The following RASEF variants were observed in gnomAD, a reference collection of about 807,000 sequenced individuals.
RASEF encodes RAS and EF-hand domain containing.
Under a neutral mutation model 90.1 loss-of-function variants are expected in RASEF, and 68 were observed. That is an observed-to-expected ratio of 0.75 (90% CI 0.62 to 0.92). RASEF has a LOEUF of 0.92. Among genes scored for constraint, RASEF ranks in the 40% least tolerant of loss-of-function variants. RASEF has a pLI of 0.00. For missense variants in RASEF, 949 were observed against 937.2 expected (o/e 1.01, Z -0.16); for synonymous variants, 331 against 345.2 (o/e 0.96, Z 0.46).
the RASEF span, among the ~76,000 whole-genome samples, chr9:83,143,565 ATTG>A: frequency 2.0e-5 from 3 of 152,194 alleles, no homozygotes; most frequent in East Asian, 5.8e-4. Flanking sequence ...TGTTAATATT[ATTG>A]TTAAGTAATA....
chr9:83,086,354 A>T, the RASEF span, among the ~76,000 whole-genome samples: 5 of 152,186 alleles, frequency 3.3e-5, no homozygotes, highest in African/African-American at 1.2e-4. Flanking sequence ...GCTGGATTTG[A>T]TAAATGGGCT....
chr9:83,158,017 G>T, the RASEF span, among the ~76,000 whole-genome samples: 1 of 152,062 alleles, frequency 6.6e-6, no homozygotes, highest in Non-Finnish European at 1.5e-5. Flanking sequence ...AATATCATCT[G>T]GAAAGCATGA....
At chr9:83,114,703 T>G in the RASEF span, among the ~76,000 whole-genome samples, 1 of 152,186 alleles carries the variant, frequency 6.6e-6, no homozygotes, top group Non-Finnish European at 1.5e-5. Context: ...CCCGGTCTCC[T>G]GTAGCACTCC....
At chr9:83,043,265 A>G (rs1829872373) in intron 1 of RASEF, among the ~76,000 whole-genome samples, 1 of 152,220 alleles carries the variant, frequency 6.6e-6, no homozygotes, top group Non-Finnish European at 1.5e-5. Context: ...TGAAAATAAA[A>G]GTTTTAAACT....
chr9:83,021,823 C>CA (rs770142443), intron 3 of RASEF, among the ~76,000 whole-genome samples: 5 of 152,182 alleles, frequency 3.3e-5, no homozygotes, highest in Non-Finnish European at 7.3e-5. Flanking sequence ...TGCGGGGTTG[C>CA]AGGGGAGTCC....
intron 14 of RASEF, among the ~76,000 whole-genome samples, chr9:82,995,216 ACTGTGG>A (rs1242499473): frequency 6.6e-6 from 1 of 152,218 alleles, no homozygotes; most frequent in Non-Finnish European, 1.5e-5. Flanking sequence ...GGGTTATTTC[ACTGTGG>A]CTGATCTTGC....
At chr9:83,155,488 G>A in the RASEF span, among the ~76,000 whole-genome samples, 1 of 152,290 alleles carries the variant, frequency 6.6e-6, no homozygotes, top group East Asian at 1.9e-4. Context: ...GATGTTGTGA[G>A]ATGTATTCAC....
At position 83,062,534 on chromosome 9, in the gene RASEF, C is replaced by A. The variant is rs759661598; in HGVS notation, c.334G>T (p.Ala112Ser). 6.2e-7 allele frequency: 1 copy of A among 1,607,704 alleles called. No individual in the cohort carries two copies. Among genetic ancestry groups the A allele is most frequent in the Non-Finnish European group, 8.5e-7 (1 of 1,177,572 alleles). ...CCGCACGAGGTGGCCAGCGCCGCCG[C>A]CGCGTCCTCGTCGCCTTCGTCCTCC... Reference protein sequence around the residue: ...SEEDEGDEDAAAALATSCGPA... With the variant: ...SEEDEGDEDASAALATSCGPA... Residue 112 changes from alanine to serine, a missense_variant, in exon 1 of 17, where the codon GCG (alanine) becomes TCG (serine). Around this residue, in one of 3 missense-constraint regions of RASEF, gnomAD observed 656 missense variants for 592.2 expected, o/e 1.11. Transcript: ENST00000376447.
chr9:83,164,347 GTATATATATA>G, the RASEF span, among the ~76,000 whole-genome samples: 2 of 129,976 alleles, frequency 1.5e-5, no homozygotes, highest in South Asian at 5.0e-4. Flanking sequence ...GTATATGTGT[GTATATATATA>G]TATATATATA....
the RASEF span, among the ~76,000 whole-genome samples, chr9:83,197,723 C>T: frequency 6.6e-6 from 1 of 152,116 alleles, no homozygotes; most frequent in Admixed American, 6.5e-5. Context: ...ATCAGCTCCT[C>T]CTGGATTTTA....
At chr9:83,202,085 C>A in the RASEF span, 1 of 154,596 alleles carries the variant, frequency 6.5e-6, no homozygotes, top group South Asian at 1.8e-4. Context: ...ATGTGCTGCT[C>A]CCTCCTAATG....
intron 16 of RASEF, among the ~76,000 whole-genome samples, chr9:82,983,687 T>C (rs1828660953): frequency 1.3e-5 from 2 of 152,202 alleles, no homozygotes; most frequent in Admixed American, 6.5e-5. Flanking sequence ...ACCAATAGAA[T>C]ATGGAGGAAA....
At chr9:83,140,327 C>T in the RASEF span, among the ~76,000 whole-genome samples, 2 of 152,188 alleles carry the variant, frequency 1.3e-5, no homozygotes, top group Admixed American at 6.6e-5. Context: ...AAGTTCCCCA[C>T]ATTTTACCTC....
In RASEF at chr9:82,980,309, G is replaced by A. The variant is rs533327549; in HGVS notation, c.*2368C>T. 1 of 152,230 alleles carries A rather than the reference G, an allele frequency of 6.6e-6. No homozygotes were observed. Among genetic ancestry groups the A allele is most frequent in the Non-Finnish European group, 1.5e-5 (1 of 68,008 alleles). The allele number at this position is 152,230 out of a possible 1,614,324, so 9.4% of individuals were successfully genotyped here. On this transcript the variant is annotated 3_prime_UTR_variant, in exon 17 of 17. Coordinates refer to ENST00000376447, the MANE Select transcript of RASEF (RefSeq NM_152573.4). ...ACACCTTCATGAAATCAAAACGTTG[G>A]TAATAATCATGAATCTCCCAGCATA...
chr9:83,141,248 A>G, the RASEF span, among the ~76,000 whole-genome samples: 1 of 152,082 alleles, frequency 6.6e-6, no homozygotes, highest in African/African-American at 2.4e-5. Flanking sequence ...ATCCTCCTCC[A>G]AGACAGTGCA....
intron 5 of RASEF, 88 bp downstream of exon 5, chr9:83,012,346 A>T (rs777064314): frequency 7.7e-5 from 49 of 638,754 alleles, no homozygotes; most frequent in Non-Finnish European, 1.2e-4. Context: ...CTTCCCTTTA[A>T]GCTGCTCTTC....
chr9:83,035,420 G>A (rs532075087), intron 1 of RASEF, among the ~76,000 whole-genome samples: 1 of 152,310 alleles, frequency 6.6e-6, no homozygotes, highest in Middle Eastern at 3.4e-3. Flanking sequence ...TGTGCATGGG[G>A]CAATGCAGAC....
At chr9:83,144,044 C>T in the RASEF span, among the ~76,000 whole-genome samples, 1 of 151,992 alleles carries the variant, frequency 6.6e-6, no homozygotes, top group Non-Finnish European at 1.5e-5. Context: ...AGCAAATTAA[C>T]TCAGGAACAG....
At chr9:82,983,107 C>CCACACACA (rs10539196) in intron 16 of RASEF, among the ~76,000 whole-genome samples, 1,584 of 128,602 alleles carry the variant, frequency 0.012, 21 homozygotes, top group African/African-American at 0.03. Flanking sequence ...GAGTACCAGG[C>CCACACACA]CACACACACA....
Sources: gnomAD v4.1 joint callset for allele counts (sites outside exome capture counted in the v4.1 genomes callset) on GRCh38, gnomAD v4.1.1 for gene constraint, gnomAD v4.1.1 regional missense constraint, MANE v1.5 for transcripts, NCBI Gene and HGNC (gene_info 2026-07-23, HGNC 2026-07-21) for gene names.